INO80: variants seen among roughly 807,000 people sequenced by gnomAD.
INO80 encodes chromatin-remodeling ATPase INO80.
Under a neutral mutation model 203.4 loss-of-function variants are expected in INO80, and 20 were observed. The ratio of observed to expected loss-of-function variants is 0.10; its 90% CI spans 0.07 to 0.14. INO80 has a LOEUF of 0.14. Ranked by LOEUF, INO80 falls within the 10% of genes least tolerant of loss-of-function variation. The probability of loss-of-function intolerance (pLI) is 1.00; values close to 1 mark genes in which losing one functional copy is unlikely to be tolerated. For synonymous variants in INO80, 726 were observed against 685.2 expected (o/e 1.06, Z -0.93); for missense variants, 1,419 against 1,914.4 (o/e 0.74, Z 4.83).
At chr15:41,111,913 A>C (rs1176457902) in intron 1 of INO80, among the ~76,000 whole-genome samples, 1 of 152,132 alleles carries the variant, frequency 6.6e-6, no homozygotes, top group Non-Finnish European at 1.5e-5. Context: ...AAAAATGTTA[A>C]GAACCTTGCT....
intron 24 of INO80, among the ~76,000 whole-genome samples, chr15:41,039,880 A>C (rs2044641607): frequency 1.3e-5 from 2 of 152,252 alleles, no homozygotes; most frequent in Non-Finnish European, 2.9e-5. Context: ...GCACACGTAA[A>C]CTTCACAATG....
At chr15:40,980,558 T>C (rs1370873322) in intron 35 of INO80, 118 bp from the exon 36 acceptor site, 2 of 681,304 alleles carry the variant, frequency 2.9e-6, no homozygotes, top group Non-Finnish European at 5.2e-6. Context: ...AATTCCTCCC[T>C]GCCACTCCTT....
At chr15:40,984,465 C>T in intron 32 of INO80, 113 bp from the exon 33 acceptor site, 2 of 934,146 alleles carry the variant, frequency 2.1e-6, no homozygotes, top group Middle Eastern at 2.2e-4. Flanking sequence ...ATAAACTTCT[C>T]AATTAGCATA....
At chr15:41,085,836 C>G (rs191118923) in intron 6 of INO80, among the ~76,000 whole-genome samples, 1 of 152,240 alleles carries the variant, frequency 6.6e-6, no homozygotes, top group South Asian at 2.1e-4. Flanking sequence ...AAGTGAAATA[C>G]AGAATAAAAC....
intron 27 of INO80, among the ~76,000 whole-genome samples, chr15:41,010,634 C>A (rs959823916): frequency 6.6e-6 from 1 of 152,054 alleles, no homozygotes; most frequent in African/African-American, 2.4e-5. Context: ...AGAAAGGGAG[C>A]CCCATTTAAC....
rs375801397 is a variant in INO80, at chr15:41,025,974, G to A, written c.3048+1622C>T. ...CACTAACTTAAGCTTCTGAGACCAA[G>A]AATACTTTGGAAGAACAGGATATGT... On this transcript the variant is annotated intron_variant, in intron 25 of 35. Transcript: ENST00000648947. Among the ~76,000 whole-genome samples the A allele has an allele frequency of 3.9e-5, 6 of 152,254 alleles. No individual in the cohort carries two copies. In the South Asian group the frequency reaches 1.2e-3, roughly 32 times the overall value.
intron 11 of INO80, among the ~76,000 whole-genome samples, chr15:41,072,304 T>C (rs1396866935): frequency 2.6e-5 from 4 of 152,052 alleles, no homozygotes; most frequent in Admixed American, 1.3e-4. Context: ...ATCTTTGACT[T>C]ACACTCTGTC....
At position 41,096,359 on chromosome 15, in the gene INO80, G is replaced by C; in HGVS notation, c.-43-6C>G. On this transcript the variant is annotated splice_region_variant and splice_polypyrimidine_tract_variant and intron_variant, in intron 1 of 35. Transcript: ENST00000648947. Reference sequence around the variant, plus strand: ...AAGGACCTCCGACTGCACGGCTGCAGAACAGAGATAAGAAGTGAAAGATGA... The same window carrying C: ...AAGGACCTCCGACTGCACGGCTGCACAACAGAGATAAGAAGTGAAAGATGA... The C allele has an allele frequency of 6.6e-7, 1 of 1,506,568 alleles. No individual in the cohort carries two copies. Among genetic ancestry groups the C allele is most frequent in the Non-Finnish European group, 8.8e-7 (1 of 1,130,668 alleles). The allele number at this position is 1,506,568 out of a possible 1,614,324, so 93.3% of individuals were successfully genotyped here.
At chr15:41,102,318 T>C (rs1481600094) in intron 1 of INO80, among the ~76,000 whole-genome samples, 1 of 152,234 alleles carries the variant, frequency 6.6e-6, no homozygotes, top group Non-Finnish European at 1.5e-5. Context: ...AATTAGGGCA[T>C]CATACTGCTT....
intron 5 of INO80, among the ~76,000 whole-genome samples, chr15:41,089,425 C>G (rs1413084059): frequency 6.6e-6 from 1 of 152,120 alleles, no homozygotes; most frequent in African/African-American, 2.4e-5. Flanking sequence ...TATACTATTG[C>G]TCATTATGTA....
At chr15:40,988,014 A>G in intron 29 of INO80, 40 bp from the exon 30 acceptor site, 1 of 1,561,354 alleles carries the variant, frequency 6.4e-7, no homozygotes, top group South Asian at 1.2e-5. Context: ...CTCTTAGGGA[A>G]GGACCAGAAA....
In INO80 at chr15:41,073,436, G is replaced by C; in HGVS notation, c.1387C>G (p.Gln463Glu). Residue 463 changes from glutamine to glutamate, a missense_variant, in exon 11 of 36, where the codon CAA becomes GAA. By Grantham distance (29) the Gln-to-Glu change is conservative. This residue lies in a region of INO80 where 116 missense variants were observed against 119.5 expected (regional missense o/e 0.97). Coordinates refer to ENST00000648947, the MANE Select transcript of INO80 (RefSeq NM_017553.3). Reference sequence around the variant, plus strand: ...TCTATCTGAAGACTCACCCGAGCTTGGTGAATATGGTAAGCATTTTCAGCA... The same window carrying C: ...TCTATCTGAAGACTCACCCGAGCTTCGTGAATATGGTAAGCATTTTCAGCA... ...KNAENAYHIH[Q>E]ARTRSFDEDA... 6.2e-7 allele frequency: 1 copy of C among 1,613,934 alleles called. No individual in the cohort carries two copies. The highest frequency in any genetic ancestry group is 8.5e-7 in the Non-Finnish European group (1 of 1,179,814).
chr15:41,091,817 C>G (rs1008720637), intron 5 of INO80, among the ~76,000 whole-genome samples: 1 of 151,958 alleles, frequency 6.6e-6, no homozygotes, highest in African/African-American at 2.4e-5. Flanking sequence ...CCACACCCAG[C>G]TAAATTTTGT....
chr15:40,987,972 C>T lies in INO80; in HGVS notation c.3573G>A (p.Val1191=). ...LGINLTAADT[V]IFYDSDWNPT... Reference sequence around the variant, plus strand: ...GGTTCCAGTCGCTATCATAGAAAATCACCTGCATAGAATATAGCAAAAACT... The same window carrying T: ...GGTTCCAGTCGCTATCATAGAAAATTACCTGCATAGAATATAGCAAAAACT... The change falls in exon 30 of 36, where the codon GTG becomes GTA. Residue 1191 remains valine (V), a splice_region_variant and synonymous_variant. Coordinates refer to ENST00000648947, the MANE Select transcript of INO80 (RefSeq NM_017553.3). 6.2e-7 allele frequency: 1 copy of T among 1,612,938 alleles called. No homozygotes were observed. The highest frequency in any genetic ancestry group is 8.5e-7 in the Non-Finnish European group (1 of 1,179,452).
At chr15:41,053,672 G>T (rs1220789731) in intron 19 of INO80, among the ~76,000 whole-genome samples, 1 of 152,084 alleles carries the variant, frequency 6.6e-6, no homozygotes, top group Non-Finnish European at 1.5e-5. Context: ...CGGAACAATG[G>T]GTCAAGGGGA....
rs1041851352 is a variant in INO80 at position 41,046,165 on chromosome 15, G to A, written c.2736-1090C>T. 8.4e-5 allele frequency among the ~76,000 whole-genome samples: 10 copies of A among 118,800 alleles called. No individual in the cohort carries two copies. In the East Asian group the frequency reaches 1.1e-3, roughly 13 times the overall value. 77.9% of individuals were successfully genotyped at this position (118,800 alleles called of 152,430 possible). A position where few individuals can be genotyped will look rare whatever the true frequency, so the allele number is the denominator to read the frequency against. Reference sequence around the variant, plus strand: ...ATTTAAGGGGTGTGTGTGTGTCTGTGTGTGTGTGTGTCTGTGTGTGTCTCT... The same window carrying A: ...ATTTAAGGGGTGTGTGTGTGTCTGTATGTGTGTGTGTCTGTGTGTGTCTCT... On this transcript the variant is annotated intron_variant, in intron 23 of 35. Coordinates refer to ENST00000648947, the MANE Select transcript of INO80 (RefSeq NM_017553.3).
At chr15:41,019,869 CAGA>C (rs2044263614) in intron 26 of INO80, among the ~76,000 whole-genome samples, 2 of 152,334 alleles carry the variant, frequency 1.3e-5, no homozygotes, top group South Asian at 2.1e-4. Context: ...CTCTTAGAGA[CAGA>C]AGAAGACCTC....
intron 5 of INO80, among the ~76,000 whole-genome samples, chr15:41,090,272 T>C (rs1370199393): frequency 6.6e-6 from 1 of 152,124 alleles, no homozygotes; most frequent in Admixed American, 6.6e-5. Flanking sequence ...AATGGGCACA[T>C]TTATAGAAAC....
At chr15:41,105,140 T>C (rs142905104) in intron 1 of INO80, among the ~76,000 whole-genome samples, 1 of 152,352 alleles carries the variant, frequency 6.6e-6, no homozygotes, top group East Asian at 1.9e-4. Context: ...GATAATTACA[T>C]AAAGAGCAAA....
Sources: gnomAD v4.1 joint callset for allele counts (sites outside exome capture counted in the v4.1 genomes callset) on GRCh38, gnomAD v4.1.1 for gene constraint, gnomAD v4.1.1 regional missense constraint, MANE v1.5 for transcripts, NCBI Gene and HGNC (gene_info 2026-07-23, HGNC 2026-07-21) for gene names.